Variants in DAB1 observed in about 807,000 individuals in gnomAD.
DAB1 encodes disabled homolog 1.
DAB1 carries 15 observed loss-of-function variants against 64.6 expected under a neutral mutation model. The observed-to-expected ratio is 0.23, with a 90% CI of 0.16 to 0.36. The LOEUF is 0.36. Ranked by LOEUF, DAB1 falls within the 10% of genes least tolerant of loss-of-function variation. The probability of loss-of-function intolerance (pLI) is 1.00; values close to 1 mark genes in which losing one functional copy is unlikely to be tolerated. For synonymous variants in DAB1, 235 were observed against 251.9 expected, an observed-to-expected ratio of 0.93 and a Z score of 0.64; for missense variants, 596 against 706.7, an observed-to-expected ratio of 0.84 and a Z score of 1.78.
intron 1 of DAB1, among the ~76,000 whole-genome samples, chr1:57,314,466 C>T (rs1373043915): frequency 1.3e-5 from 2 of 152,156 alleles, no homozygotes; most frequent in African/African-American, 2.4e-5. Flanking sequence ...AGGTCCTTCA[C>T]ACTCCAAGCC....
At chr1:57,900,186 G>T (rs1006260102) in intron 5 of DAB1, among the ~76,000 whole-genome samples, 1 of 152,154 alleles carries the variant, frequency 6.6e-6, no homozygotes, top group Admixed American at 6.5e-5. Flanking sequence ...AACACTGCAA[G>T]TGCTATTGGT....
At chr1:57,596,312 T>C (rs1645508914) in intron 7 of DAB1, among the ~76,000 whole-genome samples, 1 of 150,380 alleles carries the variant, frequency 6.6e-6, no homozygotes, top group Non-Finnish European at 1.5e-5. Flanking sequence ...GGTGTTATTT[T>C]AATTGTCACT....
intron 2 of DAB1, among the ~76,000 whole-genome samples, chr1:57,201,993 C>T (rs574310969): frequency 6.6e-6 from 1 of 152,292 alleles, no homozygotes; most frequent in South Asian, 2.1e-4. Flanking sequence ...TTTCCATCAT[C>T]AGAAGTTCAA....
rs138827476 is a variant in DAB1 at position 57,828,880 on chromosome 1, G to A, written n.88-2425C>T. On this transcript the variant is annotated intron_variant and non_coding_transcript_variant, in intron 1 of 1. Transcript: ENST00000477280. ...AACCGGTGATTTAAATATCACCTAAGAATACATAACTTTCATTTTATAGGC... is the reference window on the plus strand; with the variant it reads ...AACCGGTGATTTAAATATCACCTAAAAATACATAACTTTCATTTTATAGGC... Among the ~76,000 whole-genome samples the A allele has an allele frequency of 9.2e-3, 1,393 of 152,200 alleles. 21 individuals are homozygous for A. The highest frequency in any genetic ancestry group is 0.033 in the African/African-American group (1,352 of 41,522).
chr1:58,231,446 A>G (rs1194915530), intron 4 of DAB1, among the ~76,000 whole-genome samples: 2 of 152,214 alleles, frequency 1.3e-5, no homozygotes, highest in Non-Finnish European at 2.9e-5. Context: ...TGTTGAACTC[A>G]AGTCTCAGGA....
chr1:57,497,257 T>C (rs1043531858), intron 7 of DAB1, among the ~76,000 whole-genome samples: 18 of 152,250 alleles, frequency 1.2e-4, no homozygotes, highest in Admixed American at 1.1e-3. Flanking sequence ...TAATATGATA[T>C]GTTTATTTAC....
At chr1:58,519,833 T>C (rs1241738524) in intron 2 of DAB1, among the ~76,000 whole-genome samples, 1 of 152,144 alleles carries the variant, frequency 6.6e-6, no homozygotes, top group African/African-American at 2.4e-5. Flanking sequence ...GTGAAATTTA[T>C]AAAAGAGCAT....
chr1:58,329,347 A>C (rs1178165975), intron 4 of DAB1, among the ~76,000 whole-genome samples: 1 of 152,226 alleles, frequency 6.6e-6, no homozygotes, highest in Non-Finnish European at 1.5e-5. Flanking sequence ...TTATTTGAAT[A>C]GTTCATTTAC....
chr1:57,990,586 G>A (rs970914136), intron 5 of DAB1, among the ~76,000 whole-genome samples: 11 of 152,262 alleles, frequency 7.2e-5, no homozygotes, highest in East Asian at 5.8e-4. Context: ...CAGGTCTTTC[G>A]GAGCATGACA....
chr1:57,822,108 G>A (rs1425917693), downstream of DAB1, among the ~76,000 whole-genome samples: 1 of 152,148 alleles, frequency 6.6e-6, no homozygotes, highest in Non-Finnish European at 1.5e-5. Flanking sequence ...GACCATTTTT[G>A]TAGTTTACAT....
intron 7 of DAB1, among the ~76,000 whole-genome samples, chr1:57,647,248 G>A (rs1331046134): frequency 2.0e-5 from 3 of 152,056 alleles, no homozygotes; most frequent in African/African-American, 7.2e-5. Context: ...CTCTTTCTAG[G>A]AATAGATGAA....
rs569237824 is a variant in DAB1, at chr1:57,022,232, T to C, written c.895+1299A>G. 3.9e-5 allele frequency among the ~76,000 whole-genome samples: 6 copies of C among 152,184 alleles called. No homozygotes were observed. The South Asian group carries it at 1.2e-3, about 32-fold the overall frequency. ...AGCATACCCTTTACAGATAAAACAA[T>C]GAGGACAAAGCATGGGCACTCCGAA... On this transcript the variant is annotated intron_variant, in intron 11 of 14. Coordinates refer to ENST00000371236, the MANE Select transcript of DAB1 (RefSeq NM_001365792.1).
chr1:58,453,870 C>T (rs909057416), intron 3 of DAB1, among the ~76,000 whole-genome samples: 3 of 152,078 alleles, frequency 2.0e-5, no homozygotes, highest in Non-Finnish European at 4.4e-5. Context: ...GGAATGGAGA[C>T]CTGACCTCTA....
intron 9 of DAB1, among the ~76,000 whole-genome samples, chr1:57,032,187 C>T (rs796462687): frequency 2.1e-4 from 32 of 152,224 alleles, no homozygotes; most frequent in African/African-American, 7.0e-4. Flanking sequence ...TGGCTGACCC[C>T]GAAAACACCT....
chr1:58,357,059 T>C (rs1569679090), intron 3 of DAB1, among the ~76,000 whole-genome samples: 2 of 151,984 alleles, frequency 1.3e-5, no homozygotes, highest in South Asian at 4.1e-4. Flanking sequence ...GTTAAAGTTT[T>C]TTTTATTATA....
rs538149743 is a variant in DAB1 at position 58,444,386 on chromosome 1, C to G, written n.257+61674G>C. ...TTATAGAGATAAGAAAACTAAGGCT[C>G]AGAGATGTTAAGCAACTTGCCTAGG... On this transcript the variant is annotated intron_variant and non_coding_transcript_variant, in intron 3 of 20. Coordinates refer to the DAB1 transcript ENST00000485760. Among the ~76,000 whole-genome samples, 6 of 152,324 alleles carry G rather than the reference C, an allele frequency of 3.9e-5. No individual in the cohort carries two copies. In the East Asian group the frequency reaches 5.8e-4, roughly 15 times the overall value.
At chr1:57,998,545 G>T (rs527725684) in intron 5 of DAB1, among the ~76,000 whole-genome samples, 27 of 152,178 alleles carry the variant, frequency 1.8e-4, no homozygotes, top group African/African-American at 5.3e-4. Context: ...TGTATCTTTA[G>T]TAGAGACGGG....
intron 7 of DAB1, among the ~76,000 whole-genome samples, chr1:57,499,403 G>T (rs1181044751): frequency 1.3e-5 from 2 of 152,168 alleles, no homozygotes; most frequent in Non-Finnish European, 1.5e-5. Context: ...GGAGGAGCTG[G>T]GAGTTTGAGG....
intron 3 of DAB1, among the ~76,000 whole-genome samples, chr1:58,503,058 C>G (rs1379953616): frequency 1.3e-5 from 2 of 152,150 alleles, no homozygotes; most frequent in African/African-American, 4.8e-5. Context: ...TTTTACCTCT[C>G]CGAAGATGCT....
Sources: gnomAD v4.1 joint callset for allele counts (sites outside exome capture counted in the v4.1 genomes callset) on GRCh38, gnomAD v4.1.1 for gene constraint, MANE v1.5 for transcripts, NCBI Gene and HGNC (gene_info 2026-07-23, HGNC 2026-07-21) for gene names.